Variants in HCN4 observed in about 807,000 individuals in gnomAD.
HCN4 encodes the protein hyperpolarization activated cyclic nucleotide gated potassium channel 4, also known as potassium/sodium hyperpolarization-activated cyclic nucleotide-gated channel 4.
Under a neutral mutation model 76.9 loss-of-function variants are expected in HCN4, and 29 were observed. The observed-to-expected ratio is 0.38, with a 90% CI of 0.28 to 0.51. The LOEUF is 0.51. Ranked by LOEUF, HCN4 falls within the 20% of genes least tolerant of loss-of-function variation. The pLI is 0.90. For missense variants in HCN4, 1,416 were observed against 1,715.2 expected, an observed-to-expected ratio of 0.83 and a Z score of 3.08; for synonymous variants, 772 against 762.5, an observed-to-expected ratio of 1.01 and a Z score of -0.21.
rs1474724668 is a variant in HCN4, at chr15:73,337,883, A to G, written c.1209+5502T>C. On this transcript the variant is annotated intron_variant, in intron 2 of 7. Coordinates refer to ENST00000261917, the MANE Select transcript of HCN4 (RefSeq NM_005477.3). ...ACACAGACTTCCGTGTCCTACTGAG[A>G]GCATGGTGGTGGTGAAGCCTGGAAC... 2.0e-5 allele frequency among the ~76,000 whole-genome samples: 3 copies of G among 152,052 alleles called. No individual in the cohort carries two copies. The East Asian group carries it at 5.8e-4, about 29-fold the overall frequency.
At position 73,325,542 on chromosome 15, in the gene HCN4, C is replaced by CG. The variant is rs35013409; in HGVS notation, c.1591-99dup. Reference sequence around the variant, plus strand: ...AGGCACCACATCCGGGCACCCACCCCGGGGGATTTCCTGGCTAAACTTGGT... The same window carrying CG: ...AGGCACCACATCCGGGCACCCACCCCGGGGGGATTTCCTGGCTAAACTTGGT... On this transcript the variant is annotated intron_variant, in intron 4 of 7. Coordinates refer to ENST00000261917, the MANE Select transcript of HCN4 (RefSeq NM_005477.3). This position sits in a 1 kb window ranked among gnomAD's most constrained non-coding sequence, Gnocchi z 7.4. 2 of 1,243,174 alleles carry CG rather than the reference C, an allele frequency of 1.6e-6. No individual in the cohort carries two copies. Among genetic ancestry groups the CG allele is most frequent in the Non-Finnish European group, 2.4e-6 (2 of 843,958 alleles). 77.0% of individuals were successfully genotyped at this position (1,243,174 alleles called of 1,614,324 possible).
intron 2 of HCN4, among the ~76,000 whole-genome samples, chr15:73,338,354 T>G (rs1373878907): frequency 6.6e-6 from 1 of 152,210 alleles, no homozygotes; most frequent in African/African-American, 2.4e-5. Flanking sequence ...CGTCAGGCGG[T>G]CCAGGCAGCT....
At chr15:73,327,348 T>C (rs950577308) in intron 4 of HCN4, among the ~76,000 whole-genome samples, 1 of 151,128 alleles carries the variant, frequency 6.6e-6, no homozygotes, top group Non-Finnish European at 1.5e-5. Context: ...TGACCTCAGG[T>C]GATCTGCCCG....
In HCN4 at chr15:73,322,416, A is replaced by G. The variant is rs1437647469; in HGVS notation, c.*65T>C. The G allele has an allele frequency of 2.3e-6, 3 of 1,278,392 alleles. No homozygotes were observed. The African/African-American group carries it at 4.4e-5, about 19-fold the overall frequency. 79.2% of individuals were successfully genotyped at this position (1,278,392 alleles called of 1,614,324 possible). ...TGTTATTGGTATATCTCCTAATCAC[A>G]GTTAAACCTGAAGGAAGAAGGAAGG... On this transcript the variant is annotated 3_prime_UTR_variant, in exon 8 of 8. Coordinates refer to ENST00000261917, the MANE Select transcript of HCN4 (RefSeq NM_005477.3).
intron 3 of HCN4, among the ~76,000 whole-genome samples, chr15:73,330,555 C>T (rs1255533714): frequency 6.6e-6 from 1 of 152,210 alleles, no homozygotes; most frequent in African/African-American, 2.4e-5. Flanking sequence ...ATAGAGAGGA[C>T]ACTGCCCCAG....
intron 1 of HCN4, among the ~76,000 whole-genome samples, chr15:73,360,056 ATG>A (rs1359472959): frequency 6.6e-6 from 1 of 152,168 alleles, no homozygotes; most frequent in Non-Finnish European, 1.5e-5. Flanking sequence ...TCAGGACAGC[ATG>A]TCCCAGCCAC....
At position 73,332,230 on chromosome 15, in the gene HCN4, C is replaced by T; in HGVS notation, c.1272G>A (p.Met424Ile). The change falls in exon 3 of 8, where the codon ATG becomes ATA. Residue 424 changes from methionine to isoleucine, a missense_variant. Coordinates refer to ENST00000261917, the MANE Select transcript of HCN4 (RefSeq NM_005477.3). ...AVVRIVNLIG[M>I]MLLLCHWDGC... ...CGTCCCAGTGGCAGAGCAGGAGCAT[C>T]ATGCCGATGAGGTTCACGATGCGCA... 1 of 1,614,210 alleles carries T rather than the reference C, an allele frequency of 6.2e-7. No individual in the cohort carries two copies. The highest frequency in any genetic ancestry group is 8.5e-7 in the Non-Finnish European group (1 of 1,180,004).
chr15:73,367,790 G>A lies in HCN4; in HGVS notation c.481C>T (p.Pro161Ser). Residue 161 changes from proline (P) to serine (S), a missense_variant, in exon 1 of 8, where the codon CCC becomes TCC. Physicochemically the swap from Pro to Ser is moderately conservative, Grantham distance 74 (BLOSUM62 -1). Coordinates refer to ENST00000261917, the MANE Select transcript of HCN4 (RefSeq NM_005477.3). This position sits in a 1 kb window ranked among gnomAD's most constrained non-coding sequence, Gnocchi z 7.5. ...EPERPGASAQ[P>S]AASPPPPQQP... ...TGGGGCGGCGGCGGCGAGGCTGCGG[G>A]CTGCGCCGAGGCGCCGGGGCGCTCG... The A allele has an allele frequency of 3.7e-6, 5 of 1,334,646 alleles. No individual in the cohort carries two copies. In the African/African-American group the frequency reaches 7.7e-5, roughly 20 times the overall value. 82.7% of individuals were successfully genotyped at this position (1,334,646 alleles called of 1,614,324 possible).
chr15:73,325,464 G>A lies in HCN4; in HGVS notation c.1591-20C>T, dbSNP rs1275324639. The A allele has an allele frequency of 8.1e-6, 13 of 1,613,326 alleles. No individual in the cohort carries two copies. The highest frequency in any genetic ancestry group is 1.1e-5 in the South Asian group (1 of 91,074). On this transcript the variant is annotated intron_variant, in intron 4 of 7. Transcript: ENST00000261917. The surrounding 1 kb of genome is among the most constrained non-coding windows in gnomAD (Gnocchi z 7.4). ...CTTGTACTGAGGCCGGGAGAAGGGG[G>A]CGTCAGCTCCACCCCACCAGGGGGC...
Position 73,364,628 on chromosome 15 carries a change from G to A in HCN4, c.785+2858C>T, listed in dbSNP as rs147164897. Among the ~76,000 whole-genome samples the A allele has an allele frequency of 1.3e-3, 199 of 152,274 alleles. 2 individuals are homozygous for A. Among genetic ancestry groups the A allele is most frequent in the Middle Eastern group, 3.4e-3 (1 of 294 alleles). ...ACAAGTTTCAAAAGGCAGATGGGGA[G>A]TTGGAGGGGAGGGGAAGCCAGAAAA... On this transcript the variant is annotated intron_variant, in intron 1 of 7. Coordinates refer to ENST00000261917, the MANE Select transcript of HCN4 (RefSeq NM_005477.3).
At chr15:73,326,642 G>T (rs1227557780) in intron 4 of HCN4, among the ~76,000 whole-genome samples, 6 of 152,168 alleles carry the variant, frequency 3.9e-5, no homozygotes, top group Non-Finnish European at 8.8e-5. Context: ...ACATTTAAGA[G>T]AAATTTATTG....
rs1263746513 is a variant in HCN4 at position 73,322,624 on chromosome 15, A to T, written c.3469T>A (p.Ser1157Thr). ...AGAGGGGGTGGCAAAGAACCTGAGG[A>T]TGTCTTCCGAGGCAGAGTGACGTGC... ...GQHVTLPRKT[S>T]SGSLPPPLSL... Residue 1157 changes from serine to threonine, a missense_variant, in exon 8 of 8, where the codon TCC becomes ACC. Physicochemically the swap from Ser to Thr is moderately conservative, Grantham distance 58 (BLOSUM62 1). Around this residue, in one of 6 missense-constraint regions of HCN4, gnomAD observed 633 missense variants for 579.8 expected, o/e 1.09. Coordinates refer to ENST00000261917, the MANE Select transcript of HCN4 (RefSeq NM_005477.3). 6.2e-7 allele frequency: 1 copy of T among 1,611,698 alleles called. No individual in the cohort carries two copies. Among genetic ancestry groups the T allele is most frequent in the Non-Finnish European group, 8.5e-7 (1 of 1,179,414 alleles).
At position 73,343,981 on chromosome 15, in the gene HCN4, A is replaced by C. The variant is rs1179723332; in HGVS notation, c.786-173T>G. Among the ~76,000 whole-genome samples, 1 of 152,170 alleles carries C rather than the reference A, an allele frequency of 6.6e-6. No individual in the cohort carries two copies. The highest frequency in any genetic ancestry group is 1.5e-5 in the Non-Finnish European group (1 of 68,030). ...GATGTGGAGATTGGCACAGGGAATG[A>C]CACAATAAGAGGCTCTTCATTCACT... On this transcript the variant is annotated intron_variant, in intron 1 of 7. Coordinates refer to ENST00000261917, the MANE Select transcript of HCN4 (RefSeq NM_005477.3). This position sits in a 1 kb window ranked among gnomAD's most constrained non-coding sequence, Gnocchi z 5.7.
rs1306751792 is a variant in HCN4, at chr15:73,321,238, A to C, written c.*1243T>G. On this transcript the variant is annotated 3_prime_UTR_variant, in exon 8 of 8. Transcript: ENST00000261917. Reference sequence around the variant, plus strand: ...CAAACCCAGGCCTGACTGCTGCCAAAATCTGGTGTCTTCCTTCTGTACCAT... The same window carrying C: ...CAAACCCAGGCCTGACTGCTGCCAACATCTGGTGTCTTCCTTCTGTACCAT... 2 of 152,106 alleles carry C rather than the reference A, an allele frequency of 1.3e-5. No homozygotes were observed. The highest frequency in any genetic ancestry group is 2.9e-5 in the Non-Finnish European group (2 of 68,020). The allele number at this position is 152,106 out of a possible 1,614,324, so 9.4% of individuals were successfully genotyped here.
rs564848352 is a variant in HCN4 at position 73,342,090 on chromosome 15, G to C, written c.1209+1295C>G. On this transcript the variant is annotated intron_variant, in intron 2 of 7. Transcript: ENST00000261917. ...GGTGGGCTGTCTCACAGAGAGAGTA[G>C]GCCCTCCAGGCTGGCCTGCCTGCCG... is the stretch of plus-strand genomic sequence containing the variant. Among the ~76,000 whole-genome samples, 3 of 152,334 alleles carry C rather than the reference G, an allele frequency of 2.0e-5. No individual in the cohort carries two copies. In the South Asian group the frequency reaches 6.2e-4, roughly 32 times the overall value.
intron 1 of HCN4, among the ~76,000 whole-genome samples, chr15:73,355,206 T>C (rs1448885740): frequency 6.6e-6 from 1 of 152,308 alleles, no homozygotes; most frequent in East Asian, 1.9e-4. Context: ...TGCTATGCGA[T>C]GGAAGGTGTC....
At chr15:73,364,769 A>G (rs557261394) in intron 1 of HCN4, among the ~76,000 whole-genome samples, 25 of 152,190 alleles carry the variant, frequency 1.6e-4, no homozygotes, top group Admixed American at 4.6e-4. Context: ...AGAAAAGCCT[A>G]TGATTAGCCA....
intron 1 of HCN4, among the ~76,000 whole-genome samples, chr15:73,345,053 C>T (rs540538008): frequency 1.3e-5 from 2 of 152,326 alleles, no homozygotes; most frequent in South Asian, 4.1e-4. Context: ...TTCTTTACTG[C>T]AGGGAAGCCA....
At chr15:73,356,928 A>AC (rs2043083798) in intron 1 of HCN4, among the ~76,000 whole-genome samples, 1 of 152,174 alleles carries the variant, frequency 6.6e-6, no homozygotes, top group Non-Finnish European at 1.5e-5. Flanking sequence ...CTGGGGAGCC[A>AC]CCGTAGGACT....
Sources: gnomAD v4.1 joint callset for allele counts (sites outside exome capture counted in the v4.1 genomes callset) on GRCh38, gnomAD v4.1.1 for gene constraint, gnomAD v4.1.1 regional missense constraint, Gnocchi (gnomAD v3.1) non-coding constraint, MANE v1.5 for transcripts, NCBI Gene and HGNC (gene_info 2026-07-23, HGNC 2026-07-21) for gene names.